NF1: variants seen among roughly 807,000 people sequenced by gnomAD.
NF1 encodes neurofibromin 1, also known as neurofibromin.
A neutral mutation model predicts 325.7 loss-of-function variants in NF1; 122 were observed. The observed-to-expected ratio is 0.37, with a 90% CI of 0.32 to 0.44. NF1 has a LOEUF of 0.44. Among genes scored for constraint, NF1 ranks in the 20% least tolerant of loss-of-function variants. The pLI, the probability that NF1 is intolerant of heterozygous loss-of-function variation, is 1.00. For missense variants in NF1, 2,140 were observed against 3,415.4 expected, an observed-to-expected ratio of 0.63 and a Z score of 9.31; for synonymous variants, 1,091 against 1,186.0, an observed-to-expected ratio of 0.92 and a Z score of 1.65.
At chr17:31,325,267 A>G (rs1161407298) in intron 36 of NF1, among the ~76,000 whole-genome samples, 4 of 152,166 alleles carry the variant, frequency 2.6e-5, no homozygotes, top group Admixed American at 2.6e-4. Context: ...TTTATATCCC[A>G]AAATATGAGC....
intron 31 of NF1, among the ~76,000 whole-genome samples, chr17:31,256,315 T>A (rs1298063444): frequency 6.6e-6 from 1 of 152,128 alleles, no homozygotes; most frequent in Admixed American, 6.5e-5. Context: ...ATTTTTGTAT[T>A]TTTAGTAGAG....
chr17:31,363,736 T>C (rs74855383), intron 57 of NF1, among the ~76,000 whole-genome samples: 2,073 of 120,894 alleles, frequency 0.017, 35 homozygotes, highest in African/African-American at 0.041. Flanking sequence ...GCGCCCAGCA[T>C]TTTTTTTTTT....
chr17:31,294,305 C>CA (rs2068413971), intron 36 of NF1, among the ~76,000 whole-genome samples: 1 of 152,120 alleles, frequency 6.6e-6, no homozygotes. Flanking sequence ...TTCTTACATG[C>CA]AAAAAACACA....
At chr17:31,201,761 C>T (rs1393328762) in intron 11 of NF1, among the ~76,000 whole-genome samples, 2 of 152,066 alleles carry the variant, frequency 1.3e-5, no homozygotes, top group Non-Finnish European at 2.9e-5. Context: ...AGATCAGAAG[C>T]CCTTGAGAAA....
At chr17:31,185,470 G>A (rs997451324) in intron 8 of NF1, among the ~76,000 whole-genome samples, 2 of 152,174 alleles carry the variant, frequency 1.3e-5, no homozygotes, top group South Asian at 4.2e-4. Flanking sequence ...ACGTTTGGGT[G>A]CCAGAGGATG....
At chr17:31,318,076 TTA>T (rs2069071949) in intron 36 of NF1, 1 of 486,816 alleles carries the variant, frequency 2.1e-6, no homozygotes, top group African/African-American at 2.0e-5. Flanking sequence ...CCTCAAATGC[TTA>T]GTTATTTTAT....
Position 31,370,712 on chromosome 17 carries a change from A to C in NF1, c.8378-3301A>C, listed in dbSNP as rs371165839. On this transcript the variant is annotated intron_variant, in intron 57 of 57. Coordinates refer to ENST00000358273, the MANE Select transcript of NF1 (RefSeq NM_001042492.3). Reference sequence around the variant, plus strand: ...GTCATGACTGTTTTCCCCTCAGAGTAGGCCATGGTCTAGTAGTAGCAAGAC... The same window carrying C: ...GTCATGACTGTTTTCCCCTCAGAGTCGGCCATGGTCTAGTAGTAGCAAGAC... Among the ~76,000 whole-genome samples the C allele has an allele frequency of 7.2e-5, 11 of 152,318 alleles. No homozygotes were observed. In the South Asian group the frequency reaches 2.3e-3, roughly 32 times the overall value.
intron 3 of NF1, among the ~76,000 whole-genome samples, chr17:31,161,384 G>C (rs1028063802): frequency 6.6e-6 from 1 of 152,142 alleles, no homozygotes; most frequent in Non-Finnish European, 1.5e-5. Context: ...GAGAGTGCTT[G>C]GATTGCAGTT....
chr17:31,154,731 CCTTTT>C (rs1438207239), intron 1 of NF1, among the ~76,000 whole-genome samples: 1 of 97,848 alleles, frequency 1.0e-5, no homozygotes, highest in African/African-American at 4.2e-5. Context: ...TTTAGTATTT[CCTTTT>C]TTTTTTTTTT....
chr17:31,295,572 A>G (rs2068446474), intron 36 of NF1: 1 of 1,614,172 alleles, frequency 6.2e-7, no homozygotes, highest in Non-Finnish European at 8.5e-7. Context: ...TGGGTAGAAC[A>G]TGGAGTCCCT....
intron 1 of NF1, among the ~76,000 whole-genome samples, chr17:31,112,663 G>A (rs1331716078): frequency 6.6e-6 from 1 of 152,084 alleles, no homozygotes; most frequent in Admixed American, 6.6e-5. Context: ...CATAATATAT[G>A]CTGAATACAA....
Position 31,374,312 on chromosome 17 carries a change from C to T in NF1, c.*157C>T, listed in dbSNP as rs955585067. On this transcript the variant is annotated 3_prime_UTR_variant, in exon 58 of 58. Coordinates refer to ENST00000358273, the MANE Select transcript of NF1 (RefSeq NM_001042492.3). ...CCATGTTGCCAGATGATCAACTCTT[C>T]GAAGCCTTGCCTAAATTTAATGCTG... 18 of 931,838 alleles carry T rather than the reference C, an allele frequency of 1.9e-5. No homozygotes were observed. The highest frequency in any genetic ancestry group is 2.7e-5 in the Non-Finnish European group (16 of 593,184). 57.7% of individuals were successfully genotyped at this position (931,838 alleles called of 1,614,324 possible). A position where few individuals can be genotyped will look rare whatever the true frequency, so the allele number is the denominator to read the frequency against.
chr17:31,175,334 CT>C, intron 5 of NF1, among the ~76,000 whole-genome samples: 1 of 144,618 alleles, frequency 6.9e-6, no homozygotes, highest in Non-Finnish European at 1.5e-5. Flanking sequence ...CCATAAACAC[CT>C]GTGCTTTTGC....
intron 36 of NF1, among the ~76,000 whole-genome samples, chr17:31,308,178 C>A (rs988264602): frequency 6.6e-6 from 1 of 151,584 alleles, no homozygotes; most frequent in Non-Finnish European, 1.5e-5. Flanking sequence ...CGTTCTGTCA[C>A]CCAGGCTGGA....
intron 1 of NF1, among the ~76,000 whole-genome samples, chr17:31,148,839 C>T (rs998300702): frequency 2.6e-5 from 4 of 151,938 alleles, no homozygotes. Flanking sequence ...TTTTTGATTT[C>T]TAGACTTCTT....
chr17:31,237,391 C>T (rs527754541), intron 29 of NF1, among the ~76,000 whole-genome samples: 1 of 152,284 alleles, frequency 6.6e-6, no homozygotes, highest in East Asian at 1.9e-4. Flanking sequence ...TCTCCCATCT[C>T]AGCCTCCCAA....
intron 4 of NF1, among the ~76,000 whole-genome samples, chr17:31,169,256 AC>A (rs1318867331): frequency 1.3e-5 from 2 of 152,110 alleles, no homozygotes; most frequent in East Asian, 3.9e-4. Flanking sequence ...ACCTGCCCTC[AC>A]CTTGTATATC....
At chr17:31,281,612 T>G (rs2068119503) in intron 36 of NF1, among the ~76,000 whole-genome samples, 1 of 152,172 alleles carries the variant, frequency 6.6e-6, no homozygotes, top group Non-Finnish European at 1.5e-5. Flanking sequence ...CTCTCTGCTT[T>G]TGCATACTCT....
chr17:31,182,781 A>ACC, intron 8 of NF1, 116 bp downstream of exon 8: 1 of 1,021,558 alleles, frequency 9.8e-7, no homozygotes. Context: ...AACCATTTAA[A>ACC]TGATCATTTT....
Sources: gnomAD v4.1 joint callset for allele counts (sites outside exome capture counted in the v4.1 genomes callset) on GRCh38, gnomAD v4.1.1 for gene constraint, MANE v1.5 for transcripts, NCBI Gene and HGNC (gene_info 2026-07-23, HGNC 2026-07-21) for gene names.